Variants in NSUN6 observed in about 807,000 individuals in gnomAD.
NSUN6 encodes NOP2/Sun RNA methyltransferase 6.
Under a neutral mutation model 58.0 loss-of-function variants are expected in NSUN6, and 64 were observed. That is an observed-to-expected ratio of 1.10 (90% CI 0.90 to 1.36). The LOEUF (loss-of-function observed/expected upper bound fraction) is 1.36. Among genes scored for constraint, NSUN6 ranks in the 40% most tolerant of loss-of-function variants. The pLI, the probability that NSUN6 is intolerant of heterozygous loss-of-function variation, is 0.00. For missense variants in NSUN6, 701 were observed against 550.1 expected, an observed-to-expected ratio of 1.27 and a Z score of -2.74; for synonymous variants, 231 against 193.9, an observed-to-expected ratio of 1.19 and a Z score of -1.59.
chr10:18,599,694 T>C (rs1215395284), intron 6 of NSUN6, among the ~76,000 whole-genome samples: 3 of 152,180 alleles, frequency 2.0e-5, no homozygotes, highest in South Asian at 4.1e-4. Flanking sequence ...AAGGCCGCCA[T>C]AGGTGGTAGG....
At chr10:18,546,221 A>G (rs2054251372) in intron 10 of NSUN6, 76 bp from the exon 11 acceptor site, 2 of 1,036,234 alleles carry the variant, frequency 1.9e-6, no homozygotes, top group Non-Finnish European at 3.0e-6. Flanking sequence ...TTAAGTTAAA[A>G]GACAAATTGG....
At chr10:18,630,675 A>G (rs1320742886) in intron 3 of NSUN6, among the ~76,000 whole-genome samples, 4 of 152,164 alleles carry the variant, frequency 2.6e-5, no homozygotes, top group Non-Finnish European at 5.9e-5. Flanking sequence ...TAAATTCCTC[A>G]ACACATACAT....
At chr10:18,555,218 G>C (rs1309140226) in intron 8 of NSUN6, among the ~76,000 whole-genome samples, 1 of 151,456 alleles carries the variant, frequency 6.6e-6, no homozygotes, top group African/African-American at 2.4e-5. Flanking sequence ...GAATGGAATG[G>C]AGGATGAAAT....
At chr10:18,594,516 T>C (rs1251320843) in intron 7 of NSUN6, among the ~76,000 whole-genome samples, 1 of 152,018 alleles carries the variant, frequency 6.6e-6, no homozygotes, top group African/African-American at 2.4e-5. Flanking sequence ...TGGCGCGATC[T>C]TGGCTCACTG....
rs141692266 is a variant in NSUN6 at position 18,648,328 on chromosome 10, C to T, written c.231+162G>A. Among the ~76,000 whole-genome samples, 426 of 152,296 alleles carry T rather than the reference C, an allele frequency of 2.8e-3. 3 individuals carry two copies. Among genetic ancestry groups the T allele is most frequent in the African/African-American group, 9.2e-3 (383 of 41,542 alleles). ...CAGAAGTACTAGGTTCAAGTTCTAG[C>T]ATTACCACCTAGGATAACTTTGAAG... On this transcript the variant is annotated intron_variant, in intron 2 of 10. Coordinates refer to ENST00000377304, the MANE Select transcript of NSUN6 (RefSeq NM_182543.5).
upstream of NSUN6, chr10:18,658,155 T>C (rs1179333577): frequency 6.6e-6 from 1 of 152,222 alleles, no homozygotes; most frequent in Non-Finnish European, 1.5e-5. Context: ...CTGATAGTCA[T>C]GAAAGTTAAG....
At chr10:18,624,202 T>G (rs2058706528) in intron 3 of NSUN6, among the ~76,000 whole-genome samples, 1 of 151,132 alleles carries the variant, frequency 6.6e-6, no homozygotes, top group Admixed American at 6.6e-5. Flanking sequence ...TAAAGGACAA[T>G]AAAACTTCTG....
At chr10:18,653,329 ATTACT>A (rs2059741086), upstream of NSUN6, 6 of 983,026 alleles carry the variant, frequency 6.1e-6, no homozygotes, top group African/African-American at 5.2e-5. Context: ...TTTGCCAGAA[ATTACT>A]TCACTAGTGC....
chr10:18,552,866 C>CACTACACTGCATTCCACATAT (rs1564703282), intron 8 of NSUN6, among the ~76,000 whole-genome samples: 1 of 151,034 alleles, frequency 6.6e-6, no homozygotes, highest in African/African-American at 2.4e-5. Flanking sequence ...ATTCCACATA[C>CACTACACTGCATTCCACATAT]CATTCCATTC....
intron 9 of NSUN6, among the ~76,000 whole-genome samples, chr10:18,548,585 G>A (rs2054426752): frequency 6.6e-6 from 1 of 152,062 alleles, no homozygotes; most frequent in Non-Finnish European, 1.5e-5. Flanking sequence ...TGTTCAGTTG[G>A]CTTCTTAACA....
chr10:18,592,689 T>C (rs562877212), intron 7 of NSUN6, among the ~76,000 whole-genome samples: 1 of 152,170 alleles, frequency 6.6e-6, no homozygotes, highest in East Asian at 1.9e-4. Flanking sequence ...ACTGCACCCC[T>C]TCCTTACACA....
chr10:18,613,831 T>C (rs1439028062), intron 5 of NSUN6, among the ~76,000 whole-genome samples: 1 of 152,140 alleles, frequency 6.6e-6, no homozygotes, highest in African/African-American at 2.4e-5. Flanking sequence ...TTTCAGCATG[T>C]CTATGTCAGC....
intron 5 of NSUN6, among the ~76,000 whole-genome samples, chr10:18,611,815 C>T (rs1050627991): frequency 6.6e-6 from 1 of 152,046 alleles, no homozygotes; most frequent in Admixed American, 6.6e-5. Context: ...AAGTGATCCT[C>T]CTGCCTTAGC....
chr10:18,640,309 G>A (rs1426384158), intron 3 of NSUN6, among the ~76,000 whole-genome samples: 3 of 152,172 alleles, frequency 2.0e-5, no homozygotes, highest in East Asian at 3.9e-4. Flanking sequence ...GGTGAGGTGG[G>A]ACAGGAGATG....
rs376127238 is a variant in NSUN6 at position 18,635,949 on chromosome 10, C to T, written c.311+6527G>A. ...GTCTAAAGTTCAATAAGTAAGAATT[C>T]CACAGATCTCCAAGCAGAAGACAAG... is the stretch of plus-strand genomic sequence containing the variant. On this transcript the variant is annotated intron_variant, in intron 3 of 10. Transcript: ENST00000377304. 5.3e-5 allele frequency among the ~76,000 whole-genome samples: 8 copies of T among 150,112 alleles called. No homozygotes were observed. The South Asian group carries it at 1.3e-3, about 24-fold the overall frequency.
intron 7 of NSUN6, among the ~76,000 whole-genome samples, chr10:18,594,965 CT>C (rs1432972899): frequency 2.6e-5 from 4 of 152,274 alleles, no homozygotes; most frequent in African/African-American, 9.6e-5. Context: ...CTCTGCTTTG[CT>C]CTCTGCCATC....
At chr10:18,552,907 C>A (rs1048984999) in intron 8 of NSUN6, among the ~76,000 whole-genome samples, 8 of 151,700 alleles carry the variant, frequency 5.3e-5, no homozygotes, top group Admixed American at 5.3e-4. Flanking sequence ...CCCTTCCATT[C>A]CATTCCACTA....
intron 6 of NSUN6, among the ~76,000 whole-genome samples, chr10:18,604,264 G>A (rs139216205): frequency 6.6e-6 from 1 of 152,114 alleles, no homozygotes; most frequent in Admixed American, 6.5e-5. Flanking sequence ...TGATCACAAA[G>A]TTATTCTACC....
chr10:18,598,898 T>C (rs535732550), intron 6 of NSUN6, among the ~76,000 whole-genome samples: 1 of 152,186 alleles, frequency 6.6e-6, no homozygotes, highest in Admixed American at 6.5e-5. Context: ...CTAAAAATGA[T>C]AACATTAATG....
Sources: gnomAD v4.1 joint callset for allele counts (sites outside exome capture counted in the v4.1 genomes callset) on GRCh38, gnomAD v4.1.1 for gene constraint, MANE v1.5 for transcripts, NCBI Gene and HGNC (gene_info 2026-07-23, HGNC 2026-07-21) for gene names.